CLVS2: variants seen among roughly 807,000 people sequenced by gnomAD.
The protein encoded by CLVS2 is clavesin 2, also known as clavesin-2.
Under a neutral mutation model 29.0 loss-of-function variants are expected in CLVS2, and 19 were observed. The observed-to-expected ratio is 0.66, with a 90% CI of 0.46 to 0.96. The LOEUF (loss-of-function observed/expected upper bound fraction) is 0.96. Ranked by LOEUF, CLVS2 falls within the 40% of genes least tolerant of loss-of-function variation. The probability of loss-of-function intolerance (pLI) is 0.00; values close to 1 mark genes in which losing one functional copy is unlikely to be tolerated. For missense variants in CLVS2, 294 were observed against 404.1 expected, an observed-to-expected ratio of 0.73 and a Z score of 2.34; for synonymous variants, 161 against 151.3, an observed-to-expected ratio of 1.06 and a Z score of -0.47.
At chr6:123,027,496 G>GT (rs1289160022) in intron 3 of CLVS2, among the ~76,000 whole-genome samples, 2 of 152,072 alleles carry the variant, frequency 1.3e-5, no homozygotes, top group Non-Finnish European at 2.9e-5. Flanking sequence ...ATTTAAATCT[G>GT]TTTCATCTCA....
At position 122,999,360 on chromosome 6, in the gene CLVS2, T is replaced by C. The variant is rs530097991; in HGVS notation, c.389+1194T>C. Among the ~76,000 whole-genome samples, 36 of 152,296 alleles carry C rather than the reference T, an allele frequency of 2.4e-4. 1 individual carries two copies. The South Asian group carries it at 7.0e-3, about 30-fold the overall frequency. On this transcript the variant is annotated intron_variant, in intron 2 of 5. Coordinates refer to ENST00000275162, the MANE Select transcript of CLVS2 (RefSeq NM_001010852.4). ...TTCTCTCATTTTATTGTGATTTTTT[T>C]CCCTGTAATTCTAGGTTGACAATCA...
intron 4 of CLVS2, among the ~76,000 whole-genome samples, chr6:123,053,583 G>T (rs920395933): frequency 6.6e-6 from 1 of 152,182 alleles, no homozygotes; most frequent in Non-Finnish European, 1.5e-5. Context: ...AGTGGTAAGA[G>T]ACAAAGCCAG....
intron 5 of CLVS2, 77 bp downstream of exon 5, chr6:123,056,103 G>A (rs1218241087): frequency 1.1e-6 from 1 of 946,248 alleles, no homozygotes; most frequent in African/African-American, 1.6e-5. Flanking sequence ...AAAGCTTTCT[G>A]TTTTTCTGTA....
chr6:123,027,860 GAGAA>G (rs1473626732), intron 3 of CLVS2, among the ~76,000 whole-genome samples: 2 of 152,162 alleles, frequency 1.3e-5, no homozygotes, highest in Admixed American at 1.3e-4. Flanking sequence ...GGATTTGCTT[GAGAA>G]GGTTTATATT....
chr6:123,020,908 T>A (rs993489667), intron 3 of CLVS2, among the ~76,000 whole-genome samples: 2 of 152,018 alleles, frequency 1.3e-5, no homozygotes, highest in South Asian at 2.1e-4. Context: ...CCTAGAAATT[T>A]AAAAAATTTC....
chr6:123,041,835 A>C (rs1487670444), intron 3 of CLVS2, among the ~76,000 whole-genome samples: 1 of 152,196 alleles, frequency 6.6e-6, no homozygotes, highest in African/African-American at 2.4e-5. Context: ...GTGAATCTAG[A>C]ACATCAATTT....
intron 2 of CLVS2, among the ~76,000 whole-genome samples, chr6:123,003,825 C>T (rs961408293): frequency 6.6e-5 from 10 of 152,226 alleles, no homozygotes; most frequent in African/African-American, 2.2e-4. Context: ...ACATTGCCTG[C>T]TTGGTTAACT....
chr6:123,016,021 CTTTTTTTTT>C (rs58103603), intron 3 of CLVS2, among the ~76,000 whole-genome samples: 11 of 50,820 alleles, frequency 2.2e-4, no homozygotes, highest in South Asian at 2.5e-3. Flanking sequence ...CAACATCAGA[CTTTTTTTTT>C]TTTTTTTTTT....
At chr6:123,000,874 A>G (rs1774579658) in intron 2 of CLVS2, among the ~76,000 whole-genome samples, 2 of 152,172 alleles carry the variant, frequency 1.3e-5, no homozygotes, top group African/African-American at 4.8e-5. Flanking sequence ...GTAGATGATT[A>G]CATAGATAAA....
At chr6:123,054,103 G>A (rs1393348817) in intron 4 of CLVS2, among the ~76,000 whole-genome samples, 1 of 152,112 alleles carries the variant, frequency 6.6e-6, no homozygotes, top group Non-Finnish European at 1.5e-5. Flanking sequence ...TACACTGACT[G>A]CTCCAAGGAT....
At chr6:123,033,061 G>T (rs1236264137) in intron 3 of CLVS2, among the ~76,000 whole-genome samples, 1 of 151,724 alleles carries the variant, frequency 6.6e-6, no homozygotes, top group Non-Finnish European at 1.5e-5. Context: ...CAGGTGTATG[G>T]TTTATCATTT....
chr6:123,057,000 G>T (rs1269592305), intron 5 of CLVS2, among the ~76,000 whole-genome samples: 1 of 152,144 alleles, frequency 6.6e-6, no homozygotes, highest in African/African-American at 2.4e-5. Flanking sequence ...ATAGTCTGGG[G>T]AGTTGTCAGA....
At chr6:123,008,726 C>G (rs991485246) in intron 2 of CLVS2, among the ~76,000 whole-genome samples, 3 of 150,696 alleles carry the variant, frequency 2.0e-5, no homozygotes, top group Non-Finnish European at 3.0e-5. Flanking sequence ...ACCAGAAATA[C>G]AGTCTTCCTG....
intron 3 of CLVS2, among the ~76,000 whole-genome samples, chr6:123,017,088 A>ATGTGTG (rs61643251): frequency 2.0e-5 from 3 of 149,084 alleles, no homozygotes; most frequent in African/African-American, 4.9e-5. Context: ...GCATGTGTGT[A>ATGTGTG]TGTGTGTGTG....
intron 5 of CLVS2, among the ~76,000 whole-genome samples, chr6:123,063,122 A>C (rs2114371761): frequency 6.6e-6 from 1 of 152,296 alleles, no homozygotes; most frequent in South Asian, 2.1e-4. Context: ...TTTTATTTGG[A>C]TATTCTACTA....
chr6:123,061,040 C>T (rs535890480), intron 5 of CLVS2, among the ~76,000 whole-genome samples: 1 of 152,338 alleles, frequency 6.6e-6, no homozygotes, highest in African/African-American at 2.4e-5. Flanking sequence ...GTGGCCCATG[C>T]CTGTAATCCC....
chr6:123,019,791 T>C (rs1774894647), intron 3 of CLVS2, among the ~76,000 whole-genome samples: 2 of 152,044 alleles, frequency 1.3e-5, no homozygotes, highest in South Asian at 4.1e-4. Context: ...TCCCAGAATA[T>C]GCACTCACCA....
chr6:123,059,295 T>C (rs1169752991), intron 5 of CLVS2, among the ~76,000 whole-genome samples: 3 of 152,208 alleles, frequency 2.0e-5, no homozygotes, highest in Non-Finnish European at 1.5e-5. Context: ...TTCTTTATTT[T>C]ATTCTCTTCA....
chr6:123,059,841 T>C (rs1020473891), intron 5 of CLVS2, among the ~76,000 whole-genome samples: 8 of 152,212 alleles, frequency 5.3e-5, no homozygotes, highest in Admixed American at 2.6e-4. Flanking sequence ...TCCAATTAAA[T>C]AGACCATTTT....
Sources: allele counts gnomAD v4.1 joint callset (sites outside exome capture counted in the v4.1 genomes callset), GRCh38; gene constraint gnomAD v4.1.1; transcripts MANE v1.5; gene names NCBI Gene and HGNC (gene_info 2026-07-23, HGNC 2026-07-21).